Variants in TPD52L2 observed in about 807,000 individuals in gnomAD.
The protein encoded by TPD52L2 is tumor protein D54.
Under a neutral mutation model 24.7 loss-of-function variants are expected in TPD52L2, and 19 were observed. That is an observed-to-expected ratio of 0.77 (90% confidence interval 0.54 to 1.13). The LOEUF (loss-of-function observed/expected upper bound fraction) is 1.13. TPD52L2 is among the 50% of genes most tolerant of loss of function. The pLI, the probability that TPD52L2 is intolerant of heterozygous loss-of-function variation, is 0.00. For synonymous variants in TPD52L2, 104 were observed against 100.2 expected (o/e 1.04, Z -0.23); for missense variants, 236 against 250.4 (o/e 0.94, Z 0.39).
At chr20:63,866,333 G>T (rs983536792) in intron 1 of TPD52L2, among the ~76,000 whole-genome samples, 1 of 152,132 alleles carries the variant, frequency 6.6e-6, no homozygotes, top group Non-Finnish European at 1.5e-5. Context: ...TCGATCTCTT[G>T]ACCTTGTGAT....
chr20:63,865,579 C>T (rs1417049723), intron 1 of TPD52L2, among the ~76,000 whole-genome samples, 195 bp downstream of exon 1: 1 of 152,206 alleles, frequency 6.6e-6, no homozygotes, highest in East Asian at 1.9e-4. Context: ...GCGGCCCAGA[C>T]CGCTTCCTGG....
chr20:63,879,199 G>A (rs1323738913), intron 4 of TPD52L2, among the ~76,000 whole-genome samples: 1 of 152,168 alleles, frequency 6.6e-6, no homozygotes. Flanking sequence ...TTGTTTCCAG[G>A]GCCATCCCAG....
chr20:63,874,911 G>T (rs767034131), intron 3 of TPD52L2, among the ~76,000 whole-genome samples: 2 of 152,052 alleles, frequency 1.3e-5, no homozygotes, highest in Non-Finnish European at 2.9e-5. Context: ...AGGCTGAGGC[G>T]GGTGTATCAC....
At chr20:63,879,441 C>T (rs2052812794) in intron 4 of TPD52L2, among the ~76,000 whole-genome samples, 2 of 151,826 alleles carry the variant, frequency 1.3e-5, no homozygotes, top group South Asian at 2.1e-4. Context: ...GCTCAGGACC[C>T]GCATCTCATT....
intron 1 of TPD52L2, among the ~76,000 whole-genome samples, chr20:63,865,668 A>G (rs1468225732): frequency 6.6e-6 from 1 of 151,400 alleles, no homozygotes; most frequent in East Asian, 2.0e-4. Flanking sequence ...TTGCTCCCGT[A>G]GTTTGGGTTC....
chr20:63,882,705 G>A lies in TPD52L2; in HGVS notation c.375-14G>A. On this transcript the variant is annotated splice_polypyrimidine_tract_variant and intron_variant, in intron 4 of 6. Coordinates refer to ENST00000346249, the MANE Select transcript of TPD52L2 (RefSeq NM_003288.4). ...CCCATGCTGTCTGGTTGATTTAACT[G>A]GTGTGTCTTCCAGCTACAAGAAGAC... is the stretch of plus-strand genomic sequence containing the variant. 6.2e-7 allele frequency: 1 copy of A among 1,606,624 alleles called. No homozygotes were observed. The highest frequency in any genetic ancestry group is 8.5e-7 in the Non-Finnish European group (1 of 1,173,238).
intron 1 of TPD52L2, 135 bp from the exon 2 acceptor site, chr20:63,869,161 C>G (rs959879837): frequency 3.0e-6 from 3 of 986,476 alleles, no homozygotes; most frequent in African/African-American, 3.2e-5. Context: ...TCCTCACAGA[C>G]CTTTCAGAGA....
chr20:63,868,773 G>A (rs1162343506), intron 1 of TPD52L2, among the ~76,000 whole-genome samples: 4 of 152,194 alleles, frequency 2.6e-5, no homozygotes, highest in Non-Finnish European at 5.9e-5. Flanking sequence ...ACGAAACCCC[G>A]TCTCTACTGA....
Position 63,875,696 on chromosome 20 carries a change from G to T in TPD52L2, c.315-120G>T, listed in dbSNP as rs560986529. ...AGTGGACCCCATTTTTGGGCCGTCT[G>T]TGGAGTTGATGTTCCTGCCAGCTGG... is the stretch of plus-strand genomic sequence containing the variant. On this transcript the variant is annotated intron_variant, in intron 3 of 6. Coordinates refer to ENST00000346249, the MANE Select transcript of TPD52L2 (RefSeq NM_003288.4). 16 of 1,016,032 alleles carry T rather than the reference G, an allele frequency of 1.6e-5. No homozygotes were observed. In the East Asian group the frequency reaches 3.6e-4, roughly 23 times the overall value. 62.9% of individuals were successfully genotyped at this position (1,016,032 alleles called of 1,614,324 possible).
intron 1 of TPD52L2, 21 bp from the exon 2 acceptor site, chr20:63,869,275 G>T (rs747057918): frequency 3.1e-6 from 5 of 1,613,670 alleles, no homozygotes; most frequent in Non-Finnish European, 2.5e-6. Flanking sequence ...ACACTTTGTG[G>T]CCTCATTTTG....
At position 63,891,112 on chromosome 20, in the gene TPD52L2, T is replaced by A. The variant is rs1271331775; in HGVS notation, c.*1167T>A. 6.5e-6 allele frequency: 1 copy of A among 152,764 alleles called. No individual in the cohort carries two copies. The highest frequency in any genetic ancestry group is 2.4e-5 in the African/African-American group (1 of 41,436). 9.5% of individuals were successfully genotyped at this position (152,764 alleles called of 1,614,324 possible). On this transcript the variant is annotated 3_prime_UTR_variant, in exon 7 of 7. Transcript: ENST00000346249. The surrounding 1 kb of genome is among the most constrained non-coding windows in gnomAD (Gnocchi z 4.7). ...ACAAAGATCTCTTCCTGTTACTAAA[T>A]AGTCGCACCCCAGCAGCCTCTCTCG... is the stretch of plus-strand genomic sequence containing the variant.
At chr20:63,885,396 C>T (rs569263476) in intron 5 of TPD52L2, among the ~76,000 whole-genome samples, 1 of 152,250 alleles carries the variant, frequency 6.6e-6, no homozygotes. Flanking sequence ...TCTTCAGTGG[C>T]TCCCTCCATG....
At chr20:63,865,477 C>T (rs1349616436) in intron 1 of TPD52L2, 93 bp downstream of exon 1, 5 of 1,452,580 alleles carry the variant, frequency 3.4e-6, no homozygotes, top group Non-Finnish European at 4.6e-6. Flanking sequence ...TCTCTGTCCT[C>T]TCGGTCTCGG....
chr20:63,883,975 C>T (rs1329729850), intron 5 of TPD52L2, among the ~76,000 whole-genome samples: 1 of 152,208 alleles, frequency 6.6e-6, no homozygotes, highest in Non-Finnish European at 1.5e-5. Context: ...CACACACACC[C>T]AGGGACCCAC....
intron 4 of TPD52L2, 77 bp downstream of exon 4, chr20:63,875,952 C>A: frequency 7.2e-7 from 1 of 1,394,748 alleles, no homozygotes; most frequent in Non-Finnish European, 1.0e-6. Flanking sequence ...GGGGGCTGTG[C>A]ACACTTGGCA....
At position 63,890,342 on chromosome 20, in the gene TPD52L2, C is replaced by T. The variant is rs919115533; in HGVS notation, c.*397C>T. The T allele has an allele frequency of 7.4e-5, 18 of 244,324 alleles. No homozygotes were observed. In the East Asian group the frequency reaches 1.3e-3, roughly 18 times the overall value. The allele number at this position is 244,324 out of a possible 1,614,324, so 15.1% of individuals were successfully genotyped here. On this transcript the variant is annotated 3_prime_UTR_variant, in exon 7 of 7. Coordinates refer to ENST00000346249, the MANE Select transcript of TPD52L2 (RefSeq NM_003288.4). The stretch of plus-strand genomic sequence containing the variant: ...CATTTTCTGACTTCTTCCTCCTCCT[C>T]CTTCCCTGACTCACAGAAGGAATGC...
In TPD52L2 at chr20:63,873,802, G is replaced by T; in HGVS notation, c.300G>T (p.Val100=). The part of the protein sequence containing the change: ...KQNLSRSWHD[V]QVSSAYVKTS... ...ACCTGTCCAGGAGCTGGCATGACGTGCAGGTCTCTAGCGCGTAGGTACCTG... is the reference window on the plus strand; with the variant it reads ...ACCTGTCCAGGAGCTGGCATGACGTTCAGGTCTCTAGCGCGTAGGTACCTG... The change falls in exon 3 of 7, where the codon GTG becomes GTT. Residue 100 remains valine (V), a synonymous_variant. Coordinates refer to ENST00000346249, the MANE Select transcript of TPD52L2 (RefSeq NM_003288.4). 1.3e-6 allele frequency: 2 copies of T among 1,569,228 alleles called. No homozygotes were observed. The highest frequency in any genetic ancestry group is 1.7e-6 in the Non-Finnish European group (2 of 1,161,752).
chr20:63,867,679 A>G (rs1313026996), intron 1 of TPD52L2, among the ~76,000 whole-genome samples: 1 of 151,906 alleles, frequency 6.6e-6, no homozygotes, highest in Non-Finnish European at 1.5e-5. Context: ...ATTTGAAGGG[A>G]GTGAGATGCA....
chr20:63,887,377 T>C, intron 5 of TPD52L2: 3 of 745,526 alleles, frequency 4.0e-6, no homozygotes. Context: ...GTGCCCCCCA[T>C]GAGGCCAAGG....
Sources: allele counts gnomAD v4.1 joint callset (sites outside exome capture counted in the v4.1 genomes callset), GRCh38; gene constraint gnomAD v4.1.1; non-coding constraint Gnocchi (gnomAD v3.1); transcripts MANE v1.5; gene names NCBI Gene and HGNC (gene_info 2026-07-23, HGNC 2026-07-21).